The following CNTNAP2 variants were observed in gnomAD, a reference collection of about 807,000 sequenced individuals.
The protein encoded by CNTNAP2 is contactin associated protein 2.
A neutral mutation model predicts 155.2 loss-of-function variants in CNTNAP2; 98 were observed. The observed-to-expected ratio is 0.63, with a 90% CI of 0.54 to 0.75. The LOEUF (loss-of-function observed/expected upper bound fraction) is 0.75, where lower values mean the gene tolerates loss of function less well. Among genes scored for constraint, CNTNAP2 ranks in the 30% least tolerant of loss-of-function variants. The pLI is 0.00. For missense variants in CNTNAP2, 1,727 were observed against 1,688.1 expected (o/e 1.02, Z -0.40); for synonymous variants, 651 against 631.2 (o/e 1.03, Z -0.47).
At chr7:146,711,101 T>C in intron 1 of CNTNAP2, among the ~76,000 whole-genome samples, 1 of 151,494 alleles carries the variant, frequency 6.6e-6, no homozygotes, top group East Asian at 2.0e-4. Context: ...TTTTCTCCTG[T>C]ATATGCACAC....
At chr7:147,506,077 G>A (rs778103546) in intron 11 of CNTNAP2, among the ~76,000 whole-genome samples, 2 of 152,132 alleles carry the variant, frequency 1.3e-5, no homozygotes, top group Admixed American at 1.3e-4. Context: ...TGAGCCTTCT[G>A]ATGAAACCTT....
chr7:148,271,537 T>G (rs6464864), intron 21 of CNTNAP2, among the ~76,000 whole-genome samples: 4 of 152,052 alleles, frequency 2.6e-5, no homozygotes, highest in Admixed American at 1.3e-4. Context: ...ATTTGTGACC[T>G]AAGACCTATG....
chr7:146,577,929 T>C (rs149500309), intron 1 of CNTNAP2, among the ~76,000 whole-genome samples: 2,134 of 152,166 alleles, frequency 0.014, 35 homozygotes, highest in Middle Eastern at 0.051. Context: ...GACATGTGTA[T>C]AGATACAGAG....
intron 21 of CNTNAP2, among the ~76,000 whole-genome samples, chr7:148,315,300 A>C (rs1011427092): frequency 3.9e-5 from 6 of 152,302 alleles, no homozygotes; most frequent in Admixed American, 1.3e-4. Context: ...GAGTCCAAAA[A>C]GAGAGTCAGC....
chr7:146,469,805 C>T (rs977147006), intron 1 of CNTNAP2, among the ~76,000 whole-genome samples: 4 of 150,798 alleles, frequency 2.7e-5, no homozygotes, highest in Admixed American at 1.3e-4. Context: ...GCTGGGATTA[C>T]AGGCGTGAGC....
intron 14 of CNTNAP2, among the ~76,000 whole-genome samples, chr7:147,929,706 T>C (rs1800463385): frequency 6.6e-6 from 1 of 152,176 alleles, no homozygotes; most frequent in Non-Finnish European, 1.5e-5. Context: ...AATTTTTTAA[T>C]CTCAGTACCT....
At chr7:147,707,654 A>G (rs1399806680) in intron 13 of CNTNAP2, among the ~76,000 whole-genome samples, 4 of 152,178 alleles carry the variant, frequency 2.6e-5, no homozygotes, top group Admixed American at 2.0e-4. Flanking sequence ...GGTAGTGGCA[A>G]TGGTGGGCCA....
intron 13 of CNTNAP2, among the ~76,000 whole-genome samples, chr7:147,705,268 A>T (rs1182034184): frequency 6.6e-6 from 1 of 152,058 alleles, no homozygotes; most frequent in Non-Finnish European, 1.5e-5. Flanking sequence ...ATTTGTTTCA[A>T]GATATTTCTT....
intron 13 of CNTNAP2, among the ~76,000 whole-genome samples, chr7:147,720,872 G>C (rs2117027295): frequency 6.6e-6 from 1 of 152,100 alleles, no homozygotes; most frequent in South Asian, 2.1e-4. Context: ...TAATACCCTG[G>C]GTATCAAGGT....
intron 1 of CNTNAP2, among the ~76,000 whole-genome samples, chr7:146,683,350 A>G (rs1800538808): frequency 6.6e-6 from 1 of 152,158 alleles, no homozygotes; most frequent in African/African-American, 2.4e-5. Flanking sequence ...TACCTAAAAT[A>G]TTTCAGTGAT....
chr7:147,913,948 C>T lies in CNTNAP2; in HGVS notation c.2255+10227C>T, dbSNP rs915188684. On this transcript the variant is annotated intron_variant, in intron 14 of 23. Coordinates refer to ENST00000361727, the MANE Select transcript of CNTNAP2 (RefSeq NM_014141.6). ...TTGAGGGCTATTTGGGAATTGCCAT[C>T]AAAACTTGAACACTACATTCTTTGA... 5.3e-5 allele frequency among the ~76,000 whole-genome samples: 8 copies of T among 151,762 alleles called. No individual in the cohort carries two copies. The East Asian group carries it at 1.6e-3, about 29-fold the overall frequency.
At chr7:147,598,300 TTAGG>T (rs1213359147) in intron 12 of CNTNAP2, among the ~76,000 whole-genome samples, 7 of 152,078 alleles carry the variant, frequency 4.6e-5, no homozygotes, top group Non-Finnish European at 8.8e-5. Flanking sequence ...CCCGCATGTA[TTAGG>T]TATTTGTCCT....
chr7:146,595,141 C>A (rs949735680), intron 1 of CNTNAP2, among the ~76,000 whole-genome samples: 2 of 152,006 alleles, frequency 1.3e-5, no homozygotes, highest in African/African-American at 4.8e-5. Context: ...GCAGCATATT[C>A]AGATTATATA....
chr7:147,244,574 C>T (rs1804015927), intron 8 of CNTNAP2, among the ~76,000 whole-genome samples: 1 of 152,086 alleles, frequency 6.6e-6, no homozygotes, highest in African/African-American at 2.4e-5. Flanking sequence ...CCTGATGATA[C>T]ACCAATGAAC....
chr7:147,035,602 A>T (rs1225810561), intron 3 of CNTNAP2, among the ~76,000 whole-genome samples: 2 of 152,186 alleles, frequency 1.3e-5, no homozygotes, highest in Non-Finnish European at 2.9e-5. Context: ...TTCTCACATA[A>T]GTTCCCACCT....
chr7:146,979,815 C>T (rs544159421), intron 3 of CNTNAP2, among the ~76,000 whole-genome samples: 2 of 152,146 alleles, frequency 1.3e-5, no homozygotes, highest in African/African-American at 2.4e-5. Flanking sequence ...CTCTGTATTA[C>T]TGACTCCTTA....
chr7:147,009,458 T>C (rs1798585664), intron 3 of CNTNAP2, among the ~76,000 whole-genome samples: 1 of 152,172 alleles, frequency 6.6e-6, no homozygotes, highest in Admixed American at 6.6e-5. Context: ...TATGTGCATT[T>C]ACCTTGGCTG....
chr7:146,762,816 A>T (rs777260412), intron 1 of CNTNAP2, among the ~76,000 whole-genome samples: 24 of 151,842 alleles, frequency 1.6e-4, no homozygotes, highest in Non-Finnish European at 2.8e-4. Flanking sequence ...GTACAGGGGA[A>T]CTCCCCTTTA....
At chr7:147,885,450 G>A (rs1799586982) in intron 13 of CNTNAP2, among the ~76,000 whole-genome samples, 1 of 152,166 alleles carries the variant, frequency 6.6e-6, no homozygotes. Flanking sequence ...AATCATCAGA[G>A]CTTTGATCTT....
Sources: allele counts gnomAD v4.1 joint callset (sites outside exome capture counted in the v4.1 genomes callset), GRCh38; gene constraint gnomAD v4.1.1; transcripts MANE v1.5; gene names NCBI Gene and HGNC (gene_info 2026-07-23, HGNC 2026-07-21).